Variants in ROCK2 observed in about 807,000 individuals in gnomAD.
ROCK2 encodes the protein Rho associated coiled-coil containing protein kinase 2.
Under a neutral mutation model 195.1 loss-of-function variants are expected in ROCK2, and 61 were observed. The ratio of observed to expected loss-of-function variants is 0.31; its 90% confidence interval spans 0.25 to 0.39. ROCK2 has a LOEUF of 0.39. ROCK2 is among the 10% of genes least tolerant of loss of function. ROCK2 has a pLI of 1.00. For synonymous variants in ROCK2, 504 were observed against 545.5 expected, an observed-to-expected ratio of 0.92 and a Z score of 1.06; for missense variants, 1,109 against 1,637.4, an observed-to-expected ratio of 0.68 and a Z score of 5.57.
Position 11,214,881 on chromosome 2 carries a change from C to T in ROCK2, c.1895G>A (p.Arg632Lys). 1 of 1,613,444 alleles carries T rather than the reference C, an allele frequency of 6.2e-7. No homozygotes were observed. Among genetic ancestry groups the T allele is most frequent in the Non-Finnish European group, 8.5e-7 (1 of 1,179,920 alleles). The change falls in exon 16 of 33, where the codon AGG becomes AAG. Residue 632 changes from arginine (R) to lysine (K), a missense_variant. Physicochemically the swap from Arg to Lys is conservative, Grantham distance 26. Coordinates refer to ENST00000315872, the MANE Select transcript of ROCK2 (RefSeq NM_004850.5). ...NLQSALESER[R>K]DRTHGSEIIN... ...TATCTCTGATCCATGGGTTCGATCC[C>T]TCCTTTCAGATTCTAGAGCTGACTG...
chr2:11,259,544 G>T (rs1666150456), intron 3 of ROCK2, among the ~76,000 whole-genome samples: 1 of 151,334 alleles, frequency 6.6e-6, no homozygotes, highest in Admixed American at 6.6e-5. Context: ...CTGAGACTCA[G>T]TTTTGCAATC....
chr2:11,214,291 A>G lies in ROCK2; in HGVS notation c.2043+66T>C. On this transcript the variant is annotated intron_variant, in intron 17 of 32. Transcript: ENST00000315872. ...CAGTTAGTGACTTCCCTTAGTTTAG[A>G]ATAACTTTTCTAACCTGAAAGTCTA... 4.5e-6 allele frequency: 4 copies of G among 886,458 alleles called. No individual in the cohort carries two copies. In the South Asian group the frequency reaches 6.2e-5, roughly 14 times the overall value. 54.9% of individuals were successfully genotyped at this position (886,458 alleles called of 1,614,324 possible).
chr2:11,254,756 A>AAAAAAAG (rs1273592273), intron 3 of ROCK2, among the ~76,000 whole-genome samples: 2 of 144,376 alleles, frequency 1.4e-5, no homozygotes, highest in Non-Finnish European at 3.0e-5. Context: ...AAAAAAAAAA[A>AAAAAAAG]GGTAGAGAAA....
At chr2:11,317,652 C>A in intron 1 of ROCK2, among the ~76,000 whole-genome samples, 1 of 104,506 alleles carries the variant, frequency 9.6e-6, no homozygotes, top group Non-Finnish European at 1.8e-5. Flanking sequence ...TTCTAGGGTA[C>A]ATGTGCACAA....
intron 20 of ROCK2, among the ~76,000 whole-genome samples, chr2:11,204,513 T>C (rs975963028): frequency 6.6e-6 from 1 of 152,200 alleles, no homozygotes; most frequent in Non-Finnish European, 1.5e-5. Context: ...ATTTCTTTAA[T>C]TTCCTCCTCT....
At chr2:11,241,720 C>G (rs1015253122) in intron 4 of ROCK2, among the ~76,000 whole-genome samples, 1 of 152,058 alleles carries the variant, frequency 6.6e-6, no homozygotes, top group Non-Finnish European at 1.5e-5. Flanking sequence ...TATGGAAACA[C>G]GTAAAATTGA....
intron 1 of ROCK2, among the ~76,000 whole-genome samples, chr2:11,330,736 AGGAGGG>A (rs1668693685): frequency 6.4e-5 from 1 of 15,602 alleles, no homozygotes; most frequent in East Asian, 0.021. Context: ...AGGGAAGATG[AGGAGGG>A]AGGAGGGAGG....
At chr2:11,276,583 AT>A (rs1351133965) in intron 3 of ROCK2, among the ~76,000 whole-genome samples, 1 of 152,198 alleles carries the variant, frequency 6.6e-6, no homozygotes, top group Non-Finnish European at 1.5e-5. Context: ...TAAAATGACC[AT>A]TACCCAAAAC....
At position 11,269,471 on chromosome 2, in the gene ROCK2, A is replaced by AC. The variant is rs752960543; in HGVS notation, c.324+17067dup. On this transcript the variant is annotated intron_variant, in intron 3 of 32. Transcript: ENST00000315872. ...GGTTGCAGTGAGCCAAGACTGCACG[A>AC]CTGCACTGCAGCGTGGGTGACAGAG... Among the ~76,000 whole-genome samples, 2 of 151,644 alleles carry AC rather than the reference A, an allele frequency of 1.3e-5. 1 individual carries two copies. The highest frequency in any genetic ancestry group is 3.9e-4 in the East Asian group (2 of 5,164).
rs1179927233 is a variant in ROCK2 at position 11,191,600 on chromosome 2, T to G, written c.4163+548A>C. On this transcript the variant is annotated intron_variant, in intron 32 of 32. Coordinates refer to ENST00000315872, the MANE Select transcript of ROCK2 (RefSeq NM_004850.5). ...AGTGTGTGCACTTGACAATGTGAGG[T>G]CTGTGTACAATGTTAATTCTATCTT... Among the ~76,000 whole-genome samples the G allele has an allele frequency of 2.0e-5, 3 of 152,154 alleles. No individual in the cohort carries two copies. In the East Asian group the frequency reaches 5.8e-4, roughly 29 times the overall value.
At chr2:11,318,151 T>C (rs530585554) in intron 1 of ROCK2, among the ~76,000 whole-genome samples, 4 of 152,338 alleles carry the variant, frequency 2.6e-5, no homozygotes, top group Non-Finnish European at 5.9e-5. Context: ...CTGGGTCAAA[T>C]GGTATCTCTA....
At chr2:11,207,012 G>A (rs577694624) in intron 20 of ROCK2, among the ~76,000 whole-genome samples, 1 of 152,134 alleles carries the variant, frequency 6.6e-6, no homozygotes, top group Non-Finnish European at 1.5e-5. Context: ...ATGACCTTTG[G>A]TCATGATTAG....
intron 11 of ROCK2, 73 bp downstream of exon 11, chr2:11,218,382 T>A: frequency 8.5e-7 from 1 of 1,171,774 alleles, no homozygotes; most frequent in Non-Finnish European, 1.2e-6. Flanking sequence ...AGGTAGGATA[T>A]GACTATATTT....
chr2:11,235,843 G>T lies in ROCK2; in HGVS notation c.582C>A (p.Tyr194Ter). The T allele has an allele frequency of 6.2e-7, 1 of 1,613,922 alleles. No individual in the cohort carries two copies. Among genetic ancestry groups the T allele is most frequent in the Non-Finnish European group, 8.5e-7 (1 of 1,179,934 alleles). Reference sequence around the variant, plus strand: ...CCAGAGCAAGAACAACTTCAGCAGTGTAAAATTTGGCCCATTTTTCAGGCA... The same window carrying T: ...CCAGAGCAAGAACAACTTCAGCAGTTTAAAATTTGGCCCATTTTTCAGGCA... ...YDVPEKWAKF[Y>*]TAEVVLALDA... Residue 194 changes from tyrosine to a stop codon, truncating the protein, a stop_gained, in exon 5 of 33, where the codon TAC becomes TAA. Transcript: ENST00000315872. LOFTEE classifies it high-confidence loss of function. The surrounding 1 kb of genome is among the most constrained non-coding windows in gnomAD (Gnocchi z 4.2).
At chr2:11,198,443 T>A (rs199827590) in intron 25 of ROCK2, 48 bp downstream of exon 25, 2 of 1,298,840 alleles carry the variant, frequency 1.5e-6, no homozygotes, top group South Asian at 2.4e-5. Flanking sequence ...GTAAAAGAGA[T>A]AAACTGAGAC....
At chr2:11,209,279 C>A (rs1323088884) in intron 18 of ROCK2, among the ~76,000 whole-genome samples, 1 of 152,138 alleles carries the variant, frequency 6.6e-6, no homozygotes, top group African/African-American at 2.4e-5. Flanking sequence ...TTTGACTGGG[C>A]AAGTAATTCA....
intron 1 of ROCK2, among the ~76,000 whole-genome samples, chr2:11,310,695 C>A (rs1404653362): frequency 3.3e-5 from 5 of 151,922 alleles, no homozygotes; most frequent in Non-Finnish European, 7.4e-5. Flanking sequence ...AAGCTCAATT[C>A]ATAAAATTCA....
upstream of ROCK2, among the ~76,000 whole-genome samples, chr2:11,344,825 C>T (rs570007205): frequency 2.0e-5 from 3 of 150,926 alleles, no homozygotes; most frequent in East Asian, 5.8e-4. This position sits in a 1 kb window ranked among gnomAD's most constrained non-coding sequence, Gnocchi z 5.4. Context: ...CTCGCCTCCT[C>T]CCCCTGGCGA....
chr2:11,221,049 TA>T, intron 9 of ROCK2, 148 bp downstream of exon 9: 1 of 511,396 alleles, frequency 2.0e-6, no homozygotes, highest in Non-Finnish European at 3.3e-6. Flanking sequence ...TCAGAAATAA[TA>T]AAATAAAATT....
Sources: allele counts gnomAD v4.1 joint callset (sites outside exome capture counted in the v4.1 genomes callset), GRCh38; gene constraint gnomAD v4.1.1; non-coding constraint Gnocchi (gnomAD v3.1); transcripts MANE v1.5; gene names NCBI Gene and HGNC (gene_info 2026-07-23, HGNC 2026-07-21).